Variants in INPP5B observed in about 807,000 individuals in gnomAD.
INPP5B encodes the protein type II inositol 1,4,5-trisphosphate 5-phosphatase.
In INPP5B, 90 loss-of-function variants were observed where a neutral mutation model predicts 118.5. The observed-to-expected ratio is 0.76, with a 90% CI of 0.64 to 0.90. The LOEUF (loss-of-function observed/expected upper bound fraction) is 0.90, where lower values mean the gene tolerates loss of function less well. INPP5B is among the 40% of genes least tolerant of loss of function. The pLI, the probability that INPP5B is intolerant of heterozygous loss-of-function variation, is 0.00. For synonymous variants in INPP5B, 385 were observed against 418.9 expected, an observed-to-expected ratio of 0.92 and a Z score of 0.99; for missense variants, 984 against 1,125.6, an observed-to-expected ratio of 0.87 and a Z score of 1.80.
At chr1:37,931,856 C>A in intron 7 of INPP5B, 57 bp downstream of exon 7, 1 of 1,611,620 alleles carries the variant, frequency 6.2e-7, no homozygotes, top group Non-Finnish European at 8.5e-7. Context: ...ACGGAGCCCG[C>A]CCCCTGTGGC....
At chr1:37,878,137 GAA>G in intron 16 of INPP5B, 49 bp downstream of exon 16, 1 of 1,591,236 alleles carries the variant, frequency 6.3e-7, no homozygotes, top group Non-Finnish European at 8.6e-7. Flanking sequence ...TCTTAGTTGT[GAA>G]AGCCAATTCC....
chr1:37,902,682 T>A (rs1297315905), intron 7 of INPP5B, among the ~76,000 whole-genome samples: 1 of 152,078 alleles, frequency 6.6e-6, no homozygotes, highest in Non-Finnish European at 1.5e-5. Flanking sequence ...CTCAGCCTCC[T>A]GAGTATCTGG....
chr1:37,891,328 A>T, intron 8 of INPP5B, 30 bp downstream of exon 8: 1 of 1,533,482 alleles, frequency 6.5e-7, no homozygotes, highest in East Asian at 2.2e-5. Flanking sequence ...TCAGTCCTAC[A>T]AGGGACAAGT....
chr1:37,905,326 T>C (rs998622949), intron 7 of INPP5B, among the ~76,000 whole-genome samples: 3 of 152,048 alleles, frequency 2.0e-5, no homozygotes, highest in Non-Finnish European at 4.4e-5. Context: ...GCTTGAACCC[T>C]GGAGCCAGAG....
intron 7 of INPP5B, among the ~76,000 whole-genome samples, chr1:37,896,886 C>T (rs1644119188): frequency 7.3e-6 from 1 of 137,548 alleles, no homozygotes; most frequent in African/African-American, 2.7e-5. Flanking sequence ...CGGCCAGCCG[C>T]CCCATCCGGG....
chr1:37,886,701 C>T (rs1183560572), intron 12 of INPP5B, among the ~76,000 whole-genome samples, 187 bp downstream of exon 12: 3 of 152,228 alleles, frequency 2.0e-5, no homozygotes, highest in Non-Finnish European at 4.4e-5. Flanking sequence ...TTGGTTAAAT[C>T]AGCAGGTAGT....
At position 37,943,859 on chromosome 1, in the gene INPP5B, T is replaced by C; in HGVS notation, c.187A>G (p.Thr63Ala). The C allele has an allele frequency of 1.9e-6, 3 of 1,613,916 alleles. No homozygotes were observed. Among genetic ancestry groups the C allele is most frequent in the South Asian group, 2.2e-5 (2 of 91,074 alleles). ...TGGTCCAGAGAGACATCGTCCCCGG[T>C]AATGGCCATCCTCCGGTGCGTATAG... ...FLYTHRRMAI[T>A]GDDVSLDQIV... Residue 63 changes from threonine (T) to alanine (A), a missense_variant, in exon 4 of 24, where the codon ACC (threonine) becomes GCC (alanine). Transcript: ENST00000373024.
chr1:37,911,288 T>A (rs887906410), intron 7 of INPP5B, among the ~76,000 whole-genome samples: 9 of 152,182 alleles, frequency 5.9e-5, no homozygotes, highest in Non-Finnish European at 2.9e-5. Flanking sequence ...CTCTTTCAGC[T>A]ATACTCACTC....
rs1205864983 is a variant in INPP5B, at chr1:37,943,639, C to G, written c.280+1G>C. 2 of 1,613,842 alleles carry G rather than the reference C, an allele frequency of 1.2e-6. No individual in the cohort carries two copies. The highest frequency in any genetic ancestry group is 1.3e-5 in the African/African-American group (1 of 74,882). ...GGACCCAGACCAAGAGGACCACTCA[C>G]CAAGGATGTAGAGTTCACCATCTGG... On this transcript the variant is annotated splice_donor_variant, in intron 5 of 23. Transcript: ENST00000373024. LOFTEE classifies it high-confidence loss of function.
intron 20 of INPP5B, among the ~76,000 whole-genome samples, chr1:37,867,430 C>T (rs1332568961): frequency 1.3e-5 from 2 of 152,100 alleles, no homozygotes; most frequent in African/African-American, 2.4e-5. Flanking sequence ...CTTCTCTAGC[C>T]AGATTCACTG....
At chr1:37,928,175 C>CT (rs953145584) in intron 7 of INPP5B, among the ~76,000 whole-genome samples, 14 of 149,818 alleles carry the variant, frequency 9.3e-5, no homozygotes, top group South Asian at 4.3e-4. Context: ...TCAAAAACAG[C>CT]TTTTTTTTTT....
chr1:37,922,690 C>T (rs751116518), intron 7 of INPP5B, among the ~76,000 whole-genome samples: 5 of 152,032 alleles, frequency 3.3e-5, no homozygotes, highest in Non-Finnish European at 7.4e-5. Context: ...AGCGAGACTC[C>T]GTCTCAAAAA....
At chr1:37,900,160 C>T (rs771541145) in intron 7 of INPP5B, among the ~76,000 whole-genome samples, 2 of 149,998 alleles carry the variant, frequency 1.3e-5, no homozygotes, top group Non-Finnish European at 3.0e-5. Flanking sequence ...CAGCTCACTG[C>T]AGCCTCTGCC....
At chr1:37,933,232 TA>T (rs1273413674) in intron 6 of INPP5B, among the ~76,000 whole-genome samples, 1 of 152,108 alleles carries the variant, frequency 6.6e-6, no homozygotes, top group Non-Finnish European at 1.5e-5. Flanking sequence ...TTCCATTGTA[TA>T]AATAAAAAAG....
At chr1:37,923,486 A>C (rs911051881) in intron 7 of INPP5B, among the ~76,000 whole-genome samples, 1 of 152,190 alleles carries the variant, frequency 6.6e-6, no homozygotes, top group Admixed American at 6.6e-5. Flanking sequence ...TCACATACAA[A>C]ATAGTAGAAT....
intron 7 of INPP5B, among the ~76,000 whole-genome samples, chr1:37,898,739 A>G (rs923210631): frequency 2.0e-5 from 3 of 152,118 alleles, no homozygotes; most frequent in African/African-American, 7.2e-5. Context: ...AATTTTAAAA[A>G]ATCATTTAGG....
intron 7 of INPP5B, among the ~76,000 whole-genome samples, chr1:37,925,083 AGAACTGCT>A (rs1645180312): frequency 6.6e-6 from 1 of 152,344 alleles, no homozygotes; most frequent in Admixed American, 6.5e-5. Flanking sequence ...CTGAGGCAGG[AGAACTGCT>A]TAAACCCAGG....
intron 19 of INPP5B, among the ~76,000 whole-genome samples, chr1:37,870,314 T>C (rs1642336659): frequency 6.6e-6 from 1 of 152,128 alleles, no homozygotes; most frequent in South Asian, 2.1e-4. Context: ...TCTCATTACG[T>C]TGAGCAGGCT....
Position 37,874,104 on chromosome 1 carries a change from T to C in INPP5B, c.1840A>G (p.Ile614Val). Residue 614 changes from isoleucine to valine, a missense_variant, in exon 18 of 24, where the codon ATT (isoleucine) becomes GTT (valine). By Grantham distance (29) the Ile-to-Val change is conservative. Around this residue, in one of 2 missense-constraint regions of INPP5B, gnomAD observed 634 missense variants for 791.0 expected, o/e 0.80. Transcript: ENST00000373024. ...YMQLKVESFT[I>V]HNGQVPCHFE... ...TGACAGGGTACTTGTCCATTATGAATTGTAAAGGATTCTACTTTCAATTGC... is the reference window on the plus strand; with the variant it reads ...TGACAGGGTACTTGTCCATTATGAACTGTAAAGGATTCTACTTTCAATTGC... 1.2e-6 allele frequency: 2 copies of C among 1,600,934 alleles called. No homozygotes were observed. The highest frequency in any genetic ancestry group is 2.2e-5 in the South Asian group (2 of 89,838).
Sources: gnomAD v4.1 joint callset for allele counts (sites outside exome capture counted in the v4.1 genomes callset) on GRCh38, gnomAD v4.1.1 for gene constraint, gnomAD v4.1.1 regional missense constraint, MANE v1.5 for transcripts, NCBI Gene and HGNC (gene_info 2026-07-23, HGNC 2026-07-21) for gene names.